The following ST7 variants were observed in gnomAD, a reference collection of about 807,000 sequenced individuals.
ST7 encodes the protein suppressor of tumorigenicity 7 protein.
A neutral mutation model predicts 78.7 loss-of-function variants in ST7; 28 were observed. That is an observed-to-expected ratio of 0.36 (90% confidence interval 0.26 to 0.49). The LOEUF (loss-of-function observed/expected upper bound fraction) is 0.49, where lower values mean the gene tolerates loss of function less well. Ranked by LOEUF, ST7 falls within the 20% of genes least tolerant of loss-of-function variation. The probability of loss-of-function intolerance (pLI) is 0.99; values close to 1 mark genes in which losing one functional copy is unlikely to be tolerated. For synonymous variants in ST7, 247 were observed against 249.6 expected (o/e 0.99, Z 0.10); for missense variants, 418 against 696.0 (o/e 0.60, Z 4.49).
chr7:117,139,165 A>G (rs1274161933), intron 9 of ST7, among the ~76,000 whole-genome samples: 4 of 152,198 alleles, frequency 2.6e-5, no homozygotes, highest in Non-Finnish European at 4.4e-5. Flanking sequence ...TTAAAACAAA[A>G]CAGAGGTTTT....
chr7:117,048,035 T>G (rs1797581705), intron 1 of ST7, among the ~76,000 whole-genome samples: 1 of 152,204 alleles, frequency 6.6e-6, no homozygotes, highest in South Asian at 2.1e-4. Flanking sequence ...TTTGTATAAG[T>G]ATTATATACT....
In ST7 at chr7:116,998,106, C is replaced by T. The variant is rs557472076; in HGVS notation, c.151+44415C>T. 2.9e-3 allele frequency among the ~76,000 whole-genome samples: 439 copies of T among 152,324 alleles called. 1 individual carries two copies. The highest frequency in any genetic ancestry group is 9.2e-3 in the African/African-American group (381 of 41,576). On this transcript the variant is annotated intron_variant, in intron 1 of 15. Coordinates refer to ENST00000323984, the MANE Select transcript of ST7 (RefSeq NM_001369598.1). ...AGCCCATGGAGGCAGGGGGGAGGCT[C>T]GGGCATGGCAGGCTGCAGGTCCTGA...
intron 2 of ST7, among the ~76,000 whole-genome samples, chr7:117,100,361 G>A (rs568900127): frequency 1.3e-5 from 2 of 152,216 alleles, no homozygotes; most frequent in African/African-American, 4.8e-5. Context: ...TGTAGTCCCA[G>A]CTATCTGGGA....
intron 10 of ST7, among the ~76,000 whole-genome samples, chr7:117,185,056 C>A (rs542345518): frequency 6.6e-6 from 1 of 152,258 alleles, no homozygotes; most frequent in South Asian, 2.1e-4. Context: ...AGCCTAAATA[C>A]TTTCTCCTAG....
intron 1 of ST7, among the ~76,000 whole-genome samples, chr7:117,037,399 A>G (rs1796949216): frequency 6.6e-6 from 1 of 152,196 alleles, no homozygotes. Flanking sequence ...CAGATGAGCT[A>G]ATGGCAAAAG....
chr7:117,149,930 T>A (rs1280599469), intron 9 of ST7, among the ~76,000 whole-genome samples: 1 of 152,152 alleles, frequency 6.6e-6, no homozygotes, highest in East Asian at 1.9e-4. Flanking sequence ...TGTCAGTACC[T>A]GGATCTTTTT....
chr7:117,044,390 G>A (rs1234818577), intron 1 of ST7, among the ~76,000 whole-genome samples: 2 of 151,660 alleles, frequency 1.3e-5, no homozygotes, highest in Admixed American at 6.6e-5. Flanking sequence ...CGTTTTTTTC[G>A]AGACAGAGTG....
chr7:117,030,014 C>T (rs2116144698), intron 1 of ST7, among the ~76,000 whole-genome samples: 1 of 152,242 alleles, frequency 6.6e-6, no homozygotes, highest in Middle Eastern at 3.4e-3. Flanking sequence ...TTGATCCTTT[C>T]ATATCCCTAT....
At chr7:117,118,266 T>G (rs1389293244) in intron 2 of ST7, 1 of 152,550 alleles carries the variant, frequency 6.6e-6, no homozygotes, top group African/African-American at 2.4e-5. Context: ...TTCCAAAATC[T>G]GAAAATATTC....
chr7:117,063,862 C>T (rs144853478), intron 1 of ST7, among the ~76,000 whole-genome samples: 34 of 152,204 alleles, frequency 2.2e-4, no homozygotes, highest in East Asian at 5.8e-4. Flanking sequence ...ATCTTGGGGA[C>T]GAAATTTAAT....
intron 1 of ST7, among the ~76,000 whole-genome samples, chr7:117,079,822 A>G (rs1799618614): frequency 6.6e-6 from 1 of 152,144 alleles, no homozygotes; most frequent in African/African-American, 2.4e-5. Flanking sequence ...TTCTAGTTTT[A>G]TGTCATGCTT....
intron 1 of ST7, among the ~76,000 whole-genome samples, chr7:117,020,998 A>G (rs1481715069): frequency 2.0e-5 from 3 of 152,246 alleles, no homozygotes; most frequent in African/African-American, 7.2e-5. Context: ...AGTGTTTATT[A>G]GAAAGGAAAG....
intron 1 of ST7, among the ~76,000 whole-genome samples, chr7:117,062,168 T>C (rs1798392640): frequency 6.6e-6 from 1 of 152,156 alleles, no homozygotes; most frequent in Admixed American, 6.5e-5. Flanking sequence ...TCTCTTCTTA[T>C]GAGGGCACTA....
chr7:117,174,867 T>C (rs967965590), intron 10 of ST7, among the ~76,000 whole-genome samples: 4 of 152,210 alleles, frequency 2.6e-5, no homozygotes, highest in African/African-American at 7.2e-5. Context: ...ACTGCAGAGC[T>C]GGGATTCAAA....
At chr7:116,994,558 TG>T (rs1456008000) in intron 1 of ST7, among the ~76,000 whole-genome samples, 1 of 152,200 alleles carries the variant, frequency 6.6e-6, no homozygotes, top group African/African-American at 2.4e-5. Context: ...CTGATTTTTA[TG>T]GTAGAATCTA....
chr7:116,999,808 C>CTTTTTTTTT (rs71148356), intron 1 of ST7, among the ~76,000 whole-genome samples: 3 of 104,438 alleles, frequency 2.9e-5, no homozygotes, highest in Non-Finnish European at 5.4e-5. Context: ...AATTTTCTTT[C>CTTTTTTTTT]TTTTTTTTTT....
chr7:117,192,965 A>G (rs1274442372), intron 12 of ST7, among the ~76,000 whole-genome samples: 2 of 151,998 alleles, frequency 1.3e-5, no homozygotes, highest in African/African-American at 2.4e-5. Context: ...GGGTAAACTG[A>G]CTCTCCAGCA....
At chr7:116,976,423 G>A (rs1282681296) in intron 1 of ST7, among the ~76,000 whole-genome samples, 1 of 152,220 alleles carries the variant, frequency 6.6e-6, no homozygotes, top group African/African-American at 2.4e-5. Context: ...CTGAGCTCCA[G>A]TCTGCAGGTT....
At position 117,219,260 on chromosome 7, in the gene ST7, G is replaced by A. The variant is rs1792911964; in HGVS notation, c.1498+84G>A. 1 of 1,091,804 alleles carries A rather than the reference G, an allele frequency of 9.2e-7. No individual in the cohort carries two copies. Among genetic ancestry groups the A allele is most frequent in the African/African-American group, 1.6e-5 (1 of 62,348 alleles). 67.6% of individuals were successfully genotyped at this position (1,091,804 alleles called of 1,614,324 possible). A position where few individuals can be genotyped will look rare whatever the true frequency, so the allele number is the denominator to read the frequency against. The stretch of plus-strand genomic sequence containing the variant: ...AGGTGGGAATATCAAAGTTTAGAAT[G>A]CTCCTTGTCTTTTATTACTTTTCTC... On this transcript the variant is annotated intron_variant, in intron 14 of 15. Coordinates refer to ENST00000323984, the MANE Select transcript of ST7 (RefSeq NM_001369598.1). The surrounding 1 kb of genome is among the most constrained non-coding windows in gnomAD (Gnocchi z 5.1).
Sources: gnomAD v4.1 joint callset for allele counts (sites outside exome capture counted in the v4.1 genomes callset) on GRCh38, gnomAD v4.1.1 for gene constraint, Gnocchi (gnomAD v3.1) non-coding constraint, MANE v1.5 for transcripts, NCBI Gene and HGNC (gene_info 2026-07-23, HGNC 2026-07-21) for gene names.